Variants in KALRN observed in about 807,000 individuals in gnomAD.
The protein encoded by KALRN is kalirin RhoGEF kinase.
KALRN carries 70 observed loss-of-function variants against 353.7 expected under a neutral mutation model. That is an observed-to-expected ratio of 0.20 (90% CI 0.16 to 0.24). The LOEUF is 0.24. KALRN is among the 10% of genes least tolerant of loss of function. The probability of loss-of-function intolerance (pLI) is 1.00; values close to 1 mark genes in which losing one functional copy is unlikely to be tolerated. For synonymous variants in KALRN, 1,391 were observed against 1,434.8 expected (o/e 0.97, Z 0.69); for missense variants, 2,791 against 3,756.7 (o/e 0.74, Z 6.72).
intron 10 of KALRN, among the ~76,000 whole-genome samples, chr3:124,362,307 A>C (rs1196090551): frequency 6.6e-6 from 1 of 152,234 alleles, no homozygotes; most frequent in South Asian, 2.1e-4. Flanking sequence ...GTTCAGAATA[A>C]ATTTTTAACA....
chr3:124,139,211 TGAG>T (rs1436860208), intron 1 of KALRN, among the ~76,000 whole-genome samples: 2 of 152,136 alleles, frequency 1.3e-5, no homozygotes, highest in Non-Finnish European at 1.5e-5. Flanking sequence ...ACCAGAGTAA[TGAG>T]GAGGCAAAGG....
intron 33 of KALRN, among the ~76,000 whole-genome samples, chr3:124,556,585 A>G (rs994779681): frequency 2.0e-5 from 3 of 152,204 alleles, no homozygotes; most frequent in Admixed American, 1.3e-4. Flanking sequence ...TGAAGCTTCT[A>G]TAGTGGCCCT....
At chr3:124,228,760 T>G (rs1304036758) in intron 2 of KALRN, among the ~76,000 whole-genome samples, 1 of 152,240 alleles carries the variant, frequency 6.6e-6, no homozygotes, top group Non-Finnish European at 1.5e-5. Flanking sequence ...AAGTCATTAT[T>G]GCACAGTTCT....
chr3:124,143,768 A>G (rs191856528), intron 1 of KALRN, among the ~76,000 whole-genome samples: 1 of 152,376 alleles, frequency 6.6e-6, no homozygotes, highest in African/African-American at 2.4e-5. Context: ...TTGGTGTCCT[A>G]AAAGCTTCCA....
intron 37 of KALRN, among the ~76,000 whole-genome samples, chr3:124,650,020 A>G (rs1330030187): frequency 6.6e-6 from 1 of 150,680 alleles, no homozygotes; most frequent in East Asian, 1.9e-4. Flanking sequence ...ATAGCCTTAG[A>G]TTAGTCTCTC....
At chr3:124,167,448 G>C (rs1008383790) in intron 1 of KALRN, among the ~76,000 whole-genome samples, 27 of 152,342 alleles carry the variant, frequency 1.8e-4, no homozygotes, top group South Asian at 1.0e-3. Flanking sequence ...CGAGGAGAAA[G>C]ATACAGCAAA....
chr3:124,694,305 T>C lies in KALRN; in HGVS notation c.7406-27T>C, dbSNP rs779712837. 3 of 1,607,122 alleles carry C rather than the reference T, an allele frequency of 1.9e-6. No individual in the cohort carries two copies. In the African/African-American group the frequency reaches 4.0e-5, roughly 21 times the overall value. On this transcript the variant is annotated intron_variant, in intron 52 of 59. Coordinates refer to ENST00000682506, the MANE Select transcript of KALRN (RefSeq NM_001388419.1). ...TTTATTCTAAATTTGCTCTGAATGA[T>C]GTTAATGTATGTTGATTTGATCACA...
chr3:124,614,831 C>G (rs956859424), intron 34 of KALRN, among the ~76,000 whole-genome samples: 2 of 152,146 alleles, frequency 1.3e-5, no homozygotes, highest in African/African-American at 4.8e-5. Flanking sequence ...CTTAACCTCC[C>G]AAAATGTTGA....
chr3:124,194,783 G>A (rs184311610), intron 1 of KALRN, among the ~76,000 whole-genome samples: 4 of 152,144 alleles, frequency 2.6e-5, no homozygotes, highest in Admixed American at 2.0e-4. Context: ...CAGAGCCCTT[G>A]GATCCGTGTG....
At chr3:124,686,065 T>C (rs930836050) in intron 51 of KALRN, among the ~76,000 whole-genome samples, 1 of 152,188 alleles carries the variant, frequency 6.6e-6, no homozygotes, top group African/African-American at 2.4e-5. Context: ...TAAGATTGGT[T>C]CCCATGCTTA....
chr3:124,131,626 G>C (rs1325552135), intron 1 of KALRN, among the ~76,000 whole-genome samples: 1 of 152,174 alleles, frequency 6.6e-6, no homozygotes, highest in African/African-American at 2.4e-5. Context: ...ATGGTACTTG[G>C]CTCAGGGCTC....
intron 2 of KALRN, among the ~76,000 whole-genome samples, chr3:124,228,353 G>C (rs138997706): frequency 3.5e-4 from 54 of 152,332 alleles, no homozygotes; most frequent in Admixed American, 2.4e-3. Context: ...TGGAGAATCT[G>C]TGCACTTGGC....
At chr3:124,659,087 C>T (rs2084480327) in intron 42 of KALRN, among the ~76,000 whole-genome samples, 1 of 152,170 alleles carries the variant, frequency 6.6e-6, no homozygotes, top group Non-Finnish European at 1.5e-5. Flanking sequence ...GAATAAGGCC[C>T]CTCCAGCTTT....
intron 33 of KALRN, among the ~76,000 whole-genome samples, chr3:124,536,993 T>G (rs993230762): frequency 6.6e-6 from 1 of 152,204 alleles, no homozygotes; most frequent in African/African-American, 2.4e-5. Flanking sequence ...TACAGCACTT[T>G]CCATGTACTT....
At chr3:124,070,945 G>A (rs2059986911) in intron 1 of KALRN, among the ~76,000 whole-genome samples, 2 of 151,644 alleles carry the variant, frequency 1.3e-5, no homozygotes, top group Non-Finnish European at 2.9e-5. Context: ...GATTGAAATT[G>A]CCTTAATTAG....
intron 33 of KALRN, among the ~76,000 whole-genome samples, chr3:124,520,717 T>C (rs2067093893): frequency 6.6e-6 from 1 of 152,172 alleles, no homozygotes; most frequent in Non-Finnish European, 1.5e-5. Flanking sequence ...AAGAACCTCA[T>C]GGCTTAAAGG....
At chr3:124,496,116 G>A (rs1009040368) in intron 32 of KALRN, among the ~76,000 whole-genome samples, 195 bp from the exon 33 acceptor site, 1 of 149,752 alleles carries the variant, frequency 6.7e-6, no homozygotes, top group Admixed American at 6.7e-5. Context: ...GTGATTATGT[G>A]TTTACTAAGT....
chr3:124,471,368 C>T (rs2060882534), intron 25 of KALRN, among the ~76,000 whole-genome samples: 1 of 151,476 alleles, frequency 6.6e-6, no homozygotes, highest in South Asian at 2.1e-4. Flanking sequence ...CACTGCAACC[C>T]TCCGCCTCCC....
intron 34 of KALRN, among the ~76,000 whole-genome samples, chr3:124,570,644 GA>G (rs1454208857): frequency 6.6e-6 from 1 of 152,210 alleles, no homozygotes; most frequent in East Asian, 1.9e-4. Flanking sequence ...TAATTTATTT[GA>G]GTACTGATAC....
Sources: allele counts gnomAD v4.1 joint callset (sites outside exome capture counted in the v4.1 genomes callset), GRCh38; gene constraint gnomAD v4.1.1; transcripts MANE v1.5; gene names NCBI Gene and HGNC (gene_info 2026-07-23, HGNC 2026-07-21).